The following EDIL3 variants were observed in gnomAD, a reference collection of about 807,000 sequenced individuals.
EDIL3 encodes the protein EGF like and discoidin domains 3, also known as EGF-like repeat and discoidin I-like domain-containing protein 3.
A neutral mutation model predicts 67.4 loss-of-function variants in EDIL3; 37 were observed. That is an observed-to-expected ratio of 0.55 (90% CI 0.42 to 0.72). EDIL3 has a LOEUF of 0.72. Ranked by LOEUF, EDIL3 falls within the 30% of genes least tolerant of loss-of-function variation. The pLI is 0.00. For missense variants in EDIL3, 527 were observed against 586.3 expected (o/e 0.90, Z 1.04); for synonymous variants, 195 against 196.3 (o/e 0.99, Z 0.05).
At chr5:84,324,819 A>C (rs1746723250) in intron 1 of EDIL3, among the ~76,000 whole-genome samples, 1 of 151,724 alleles carries the variant, frequency 6.6e-6, no homozygotes, top group Non-Finnish European at 1.5e-5. Context: ...AAAATGGATG[A>C]ATTTTTGAAA....
intron 1 of EDIL3, among the ~76,000 whole-genome samples, chr5:84,311,274 G>A (rs1187578129): frequency 6.7e-6 from 1 of 148,680 alleles, no homozygotes; most frequent in East Asian, 2.0e-4. Context: ...TTCCCAACTG[G>A]TAGTACCAAT....
intron 5 of EDIL3, among the ~76,000 whole-genome samples, chr5:84,111,019 G>A (rs922554354): frequency 6.6e-6 from 1 of 152,038 alleles, no homozygotes; most frequent in Non-Finnish European, 1.5e-5. Context: ...ATGGGGACGG[G>A]CTTCCTCTTT....
intron 3 of EDIL3, among the ~76,000 whole-genome samples, chr5:84,199,348 G>T (rs2112376348): frequency 6.6e-6 from 1 of 152,166 alleles, no homozygotes; most frequent in Admixed American, 6.6e-5. Context: ...CATCAGCAAA[G>T]TGAAAACAAC....
intron 4 of EDIL3, among the ~76,000 whole-genome samples, chr5:84,164,164 A>G (rs1277568341): frequency 6.6e-6 from 1 of 152,094 alleles, no homozygotes; most frequent in Non-Finnish European, 1.5e-5. Flanking sequence ...GTTTGCAGTA[A>G]AATCCCTACA....
intron 4 of EDIL3, among the ~76,000 whole-genome samples, chr5:84,178,799 A>C (rs547185863): frequency 8.5e-5 from 13 of 152,196 alleles, no homozygotes; most frequent in Non-Finnish European, 1.9e-4. Context: ...TAGGTGGTTT[A>C]GACAACAAAA....
chr5:84,165,729 A>G (rs1748693374), intron 4 of EDIL3, among the ~76,000 whole-genome samples: 1 of 152,166 alleles, frequency 6.6e-6, no homozygotes, highest in Admixed American at 6.6e-5. Context: ...CGGCTCCTTC[A>G]TCTTTTAGAC....
chr5:84,011,264 A>G (rs1211553974), intron 9 of EDIL3, among the ~76,000 whole-genome samples: 1 of 152,148 alleles, frequency 6.6e-6, no homozygotes, highest in Non-Finnish European at 1.5e-5. Flanking sequence ...TATCTTAGCA[A>G]TCGGCCAAAA....
chr5:84,362,336 G>A (rs1237306192), intron 1 of EDIL3, among the ~76,000 whole-genome samples: 1 of 151,902 alleles, frequency 6.6e-6, no homozygotes, highest in African/African-American at 2.4e-5. Flanking sequence ...TGTGAATAAG[G>A]CTTACATTTT....
intron 3 of EDIL3, among the ~76,000 whole-genome samples, chr5:84,214,095 T>A (rs561514580): frequency 9.0e-4 from 137 of 152,318 alleles, no homozygotes; most frequent in Non-Finnish European, 1.6e-3. Flanking sequence ...ATTTGAGATG[T>A]CTTAAAATCA....
chr5:83,943,167 T>G lies in EDIL3; in HGVS notation c.*252A>C. On this transcript the variant is annotated 3_prime_UTR_variant, in exon 11 of 11. Transcript: ENST00000296591. ...CCAATGCGAATAATTCAGGAAACAA[T>G]GAGAGAAAAGTAATTCACACTTAAT... is the stretch of plus-strand genomic sequence containing the variant. 2.4e-6 allele frequency: 1 copy of G among 421,100 alleles called. No individual in the cohort carries two copies. 26.1% of individuals were successfully genotyped at this position (421,100 alleles called of 1,614,324 possible).
intron 4 of EDIL3, among the ~76,000 whole-genome samples, chr5:84,160,742 TTTC>T (rs374582576): frequency 0.026 from 3,530 of 137,600 alleles, 186 homozygotes; most frequent in Middle Eastern, 0.048. Flanking sequence ...TTTCTTTTCT[TTTC>T]TTTCCTTTCC....
chr5:84,222,442 A>G (rs915458684), intron 3 of EDIL3, among the ~76,000 whole-genome samples: 16 of 151,864 alleles, frequency 1.1e-4, no homozygotes, highest in African/African-American at 3.6e-4. Context: ...AAGCCAAATC[A>G]CCATTTTCTT....
chr5:84,039,542 G>A (rs1746082896), intron 9 of EDIL3, among the ~76,000 whole-genome samples: 1 of 152,124 alleles, frequency 6.6e-6, no homozygotes, highest in African/African-American at 2.4e-5. Context: ...AACAATTACA[G>A]ATGAGCAGTC....
intron 4 of EDIL3, among the ~76,000 whole-genome samples, chr5:84,148,972 C>CAAAAAAAAAAAAAAAAAAAACCAA: frequency 1.1e-5 from 1 of 87,066 alleles, no homozygotes; most frequent in South Asian, 3.9e-4. Flanking sequence ...ACAAAAACGA[C>CAAAAAAAAAAAAAAAAAAAACCAA]AAAAAAAAAA....
chr5:84,156,572 G>A (rs925547633), intron 4 of EDIL3, among the ~76,000 whole-genome samples: 1 of 152,146 alleles, frequency 6.6e-6, no homozygotes, highest in African/African-American at 2.4e-5. Context: ...AATGTGGTTT[G>A]AGAATAAGGG....
At chr5:84,053,152 A>T (rs1309526240) in intron 9 of EDIL3, among the ~76,000 whole-genome samples, 2 of 152,284 alleles carry the variant, frequency 1.3e-5, no homozygotes, top group East Asian at 3.9e-4. Flanking sequence ...GGATTAATAA[A>T]CTCACTCAAA....
At chr5:84,227,956 T>C (rs151113546) in intron 3 of EDIL3, among the ~76,000 whole-genome samples, 1 of 151,922 alleles carries the variant, frequency 6.6e-6, no homozygotes, top group African/African-American at 2.4e-5. Flanking sequence ...AGGTTGAAAA[T>C]CTACCTATTG....
chr5:84,347,264 G>A (rs567013287), intron 1 of EDIL3, among the ~76,000 whole-genome samples: 1 of 152,150 alleles, frequency 6.6e-6, no homozygotes, highest in Non-Finnish European at 1.5e-5. Context: ...GTTTGTATCT[G>A]TTCTTCCATT....
Position 83,942,627 on chromosome 5 carries a change from G to C in EDIL3, c.*792C>G, listed in dbSNP as rs937175548. The C allele has an allele frequency of 6.6e-6, 1 of 151,818 alleles. No homozygotes were observed. The highest frequency in any genetic ancestry group is 1.5e-5 in the Non-Finnish European group (1 of 67,914). The allele number at this position is 151,818 out of a possible 1,614,324, so 9.4% of individuals were successfully genotyped here. A position where few individuals can be genotyped will look rare whatever the true frequency, so the allele number is the denominator to read the frequency against. On this transcript the variant is annotated 3_prime_UTR_variant, in exon 11 of 11. Transcript: ENST00000296591. ...ATTATTTGGAAATTAAATAGTTATG[G>C]CTTCCTTCAAAAATAAAACTGCAGA...
Sources: allele counts gnomAD v4.1 joint callset (sites outside exome capture counted in the v4.1 genomes callset), GRCh38; gene constraint gnomAD v4.1.1; transcripts MANE v1.5; gene names NCBI Gene and HGNC (gene_info 2026-07-23, HGNC 2026-07-21).